SPECC1L: variants seen among roughly 807,000 people sequenced by gnomAD.
The protein encoded by SPECC1L is cytospin-A.
SPECC1L carries 40 observed loss-of-function variants against 116.8 expected under a neutral mutation model. The observed-to-expected ratio is 0.34, with a 90% CI of 0.27 to 0.45. The LOEUF (loss-of-function observed/expected upper bound fraction) is 0.45. Ranked by LOEUF, SPECC1L falls within the 20% of genes least tolerant of loss-of-function variation. The pLI is 1.00. For synonymous variants in SPECC1L, 504 were observed against 500.6 expected, an observed-to-expected ratio of 1.01 and a Z score of -0.09; for missense variants, 1,110 against 1,373.6, an observed-to-expected ratio of 0.81 and a Z score of 3.03.
intron 3 of SPECC1L, among the ~76,000 whole-genome samples, chr22:24,310,833 AT>A (rs369186525): frequency 8.9e-4 from 136 of 152,074 alleles, no homozygotes; most frequent in African/African-American, 3.2e-3. Context: ...AATTAAAAGG[AT>A]TTTTTATTTT....
intron 2 of SPECC1L, among the ~76,000 whole-genome samples, chr22:24,279,732 G>A (rs2048906592): frequency 6.6e-6 from 1 of 152,176 alleles, no homozygotes; most frequent in African/African-American, 2.4e-5. Context: ...ACAGGCATGT[G>A]CCACCATGCC....
At chr22:24,302,481 C>T (rs2049400752) in intron 3 of SPECC1L, 97 bp downstream of exon 3, 5 of 1,493,096 alleles carry the variant, frequency 3.3e-6, no homozygotes, top group Non-Finnish European at 4.7e-6. Flanking sequence ...GGGGTGTGCC[C>T]TCTTCTGGTG....
intron 14 of SPECC1L, among the ~76,000 whole-genome samples, chr22:24,373,351 A>C (rs144330396): frequency 6.6e-6 from 1 of 152,264 alleles, no homozygotes; most frequent in African/African-American, 2.4e-5. Flanking sequence ...AGCTGGAGGC[A>C]TCACACTACC....
At chr22:24,396,424 A>G (rs868009032) in intron 14 of SPECC1L, among the ~76,000 whole-genome samples, 1 of 151,962 alleles carries the variant, frequency 6.6e-6, no homozygotes. Flanking sequence ...CAGCCTCCTG[A>G]GTAGCTGGGA....
At chr22:24,285,442 C>T (rs2049022159) in intron 2 of SPECC1L, among the ~76,000 whole-genome samples, 2 of 152,090 alleles carry the variant, frequency 1.3e-5, no homozygotes. Flanking sequence ...AGCCAGATAA[C>T]TAATAAGTAG....
intron 14 of SPECC1L, among the ~76,000 whole-genome samples, chr22:24,376,410 C>T (rs77337872): frequency 0.036 from 5,550 of 152,202 alleles, 301 homozygotes; most frequent in South Asian, 0.12. Flanking sequence ...GATCAGTATA[C>T]AAAACTCACT....
chr22:24,386,140 C>G lies in SPECC1L; in HGVS notation c.3087+16820C>G, dbSNP rs530556262. ...TCAAAAAAAAAAAAGCCCCACAGAA[C>G]AAATTTCTAACAAACTGGGAATAAA... On this transcript the variant is annotated intron_variant, in intron 14 of 16. Transcript: ENST00000314328. Among the ~76,000 whole-genome samples the G allele has an allele frequency of 2.0e-5, 3 of 147,314 alleles. No individual in the cohort carries two copies. The East Asian group carries it at 5.9e-4, about 29-fold the overall frequency.
chr22:24,312,023 C>T (rs867494881), intron 3 of SPECC1L, among the ~76,000 whole-genome samples: 12 of 151,966 alleles, frequency 7.9e-5, no homozygotes, highest in Admixed American at 1.3e-4. Context: ...GGCTGGAGTA[C>T]GGTGGCGTGA....
At chr22:24,318,197 C>G (rs532599526) in intron 4 of SPECC1L, among the ~76,000 whole-genome samples, 4 of 152,196 alleles carry the variant, frequency 2.6e-5, no homozygotes, top group African/African-American at 9.7e-5. Context: ...TGTAGCAAGT[C>G]GAGATCACGC....
At chr22:24,383,832 T>TTTTTA (rs2042110807) in intron 14 of SPECC1L, among the ~76,000 whole-genome samples, 1 of 104,376 alleles carries the variant, frequency 9.6e-6, no homozygotes, top group African/African-American at 3.7e-5. Flanking sequence ...TTTTTTTTTT[T>TTTTTA]AGTAGAGATG....
At chr22:24,323,486 A>G (rs200963453) in intron 5 of SPECC1L, among the ~76,000 whole-genome samples, 9 of 152,352 alleles carry the variant, frequency 5.9e-5, no homozygotes, top group East Asian at 5.8e-4. Flanking sequence ...CCAGCATAAT[A>G]GTGAGGACTC....
At chr22:24,329,217 G>A (rs2040889160) in intron 7 of SPECC1L, among the ~76,000 whole-genome samples, 1 of 152,166 alleles carries the variant, frequency 6.6e-6, no homozygotes, top group Non-Finnish European at 1.5e-5. Context: ...GCTTATTGGA[G>A]CATTTTGGAT....
chr22:24,405,567 C>T (rs35303215), intron 14 of SPECC1L, among the ~76,000 whole-genome samples: 28,850 of 151,910 alleles, frequency 0.19, 3,432 homozygotes, highest in Non-Finnish European at 0.26. Flanking sequence ...AGGCTGGGCA[C>T]GGTAGCTCAC....
At chr22:24,331,153 C>T (rs772130738) in intron 8 of SPECC1L, among the ~76,000 whole-genome samples, 1 of 152,194 alleles carries the variant, frequency 6.6e-6, no homozygotes, top group Non-Finnish European at 1.5e-5. Flanking sequence ...GTGAGCTCCA[C>T]ACTGAGACTC....
chr22:24,376,571 T>C (rs2041975576), intron 14 of SPECC1L, among the ~76,000 whole-genome samples: 1 of 152,138 alleles, frequency 6.6e-6, no homozygotes, highest in Non-Finnish European at 1.5e-5. Context: ...AAAATCTAAA[T>C]AAATGGAAAG....
chr22:24,389,368 A>AC (rs1338030244), intron 14 of SPECC1L, among the ~76,000 whole-genome samples: 2 of 150,998 alleles, frequency 1.3e-5, no homozygotes, highest in Non-Finnish European at 3.0e-5. Flanking sequence ...ACCCACCTCA[A>AC]CCCCCCAAAG....
intron 14 of SPECC1L, among the ~76,000 whole-genome samples, chr22:24,386,611 A>ATTC (rs1353695832): frequency 6.6e-6 from 1 of 151,514 alleles, no homozygotes; most frequent in Non-Finnish European, 1.5e-5. Context: ...TATTATTATT[A>ATTC]TTATTATTTT....
chr22:24,297,972 T>C (rs1237285217), intron 2 of SPECC1L, among the ~76,000 whole-genome samples: 1 of 152,212 alleles, frequency 6.6e-6, no homozygotes, highest in Non-Finnish European at 1.5e-5. Flanking sequence ...TTAGTTATTG[T>C]TGTTAATCTC....
chr22:24,316,672 C>T (rs2146453729), intron 4 of SPECC1L, among the ~76,000 whole-genome samples: 1 of 149,790 alleles, frequency 6.7e-6, no homozygotes, highest in African/African-American at 2.5e-5. Context: ...TCTCCCATGT[C>T]TACCTCTTTC....
Sources: allele counts gnomAD v4.1 joint callset (sites outside exome capture counted in the v4.1 genomes callset), GRCh38; gene constraint gnomAD v4.1.1; transcripts MANE v1.5; gene names NCBI Gene and HGNC (gene_info 2026-07-23, HGNC 2026-07-21).